IKBKE: variants seen among roughly 807,000 people sequenced by gnomAD.
IKBKE encodes the protein inhibitor of nuclear factor kappa-B kinase subunit epsilon.
A neutral mutation model predicts 92.1 loss-of-function variants in IKBKE; 45 were observed. The observed-to-expected ratio is 0.49, with a 90% confidence interval of 0.38 to 0.63. IKBKE has a LOEUF of 0.63. Among genes scored for constraint, IKBKE ranks in the 20% least tolerant of loss-of-function variants. IKBKE has a pLI of 0.00. For missense variants in IKBKE, 700 were observed against 932.8 expected (o/e 0.75, Z 3.25); for synonymous variants, 374 against 380.3 (o/e 0.98, Z 0.19).
chr1:206,474,979 G>T lies in IKBKE; in HGVS notation c.343G>T (p.Val115Leu), dbSNP rs1553384904. 6.2e-7 allele frequency: 1 copy of T among 1,614,030 alleles called. No individual in the cohort carries two copies. Among genetic ancestry groups the T allele is most frequent in the Non-Finnish European group, 8.5e-7 (1 of 1,180,038 alleles). The change falls in exon 5 of 22, where the codon GTG becomes TTG. Residue 115 changes from valine (V) to leucine (L), a missense_variant. Physicochemically the swap from Val to Leu is conservative, Grantham distance 32. Coordinates refer to ENST00000581977, the MANE Select transcript of IKBKE (RefSeq NM_014002.4). Reference protein sequence around the residue: ...FGLPEDEFLVVLRCVVAGMNH... With the variant: ...FGLPEDEFLVLLRCVVAGMNH... Reference sequence around the variant, plus strand: ...GCTGCCTGAGGATGAGTTCCTGGTGGTGCTGCGCTGTGTGGGTGAGCCCCT... The same window carrying T: ...GCTGCCTGAGGATGAGTTCCTGGTGTTGCTGCGCTGTGTGGGTGAGCCCCT...
At chr1:206,481,746 G>C (rs1476576760) in intron 13 of IKBKE, among the ~76,000 whole-genome samples, 1 of 148,098 alleles carries the variant, frequency 6.8e-6, no homozygotes, top group Non-Finnish European at 1.5e-5. Context: ...CAACCACGGA[G>C]GCCTTCCTGA....
chr1:206,472,585 T>A (rs113565590), intron 2 of IKBKE, among the ~76,000 whole-genome samples: 1 of 144,036 alleles, frequency 6.9e-6, no homozygotes, highest in African/African-American at 2.8e-5. Context: ...ACACACACAC[T>A]CTCACACACA....
At chr1:206,484,076 C>T (rs1404076544) in intron 13 of IKBKE, among the ~76,000 whole-genome samples, 1 of 142,148 alleles carries the variant, frequency 7.0e-6, no homozygotes, top group African/African-American at 2.5e-5. Context: ...CGGTGTGAGC[C>T]ACCATGCCTG....
At chr1:206,472,994 G>A in intron 2 of IKBKE, 1 of 529,510 alleles carries the variant, frequency 1.9e-6, no homozygotes, top group Non-Finnish European at 3.3e-6. Context: ...GCTCAGTGGG[G>A]GCCCTCTTGT....
At chr1:206,482,001 G>A (rs1195063013) in intron 13 of IKBKE, among the ~76,000 whole-genome samples, 8 of 151,814 alleles carry the variant, frequency 5.3e-5, no homozygotes, top group Non-Finnish European at 1.0e-4. Context: ...GGATGGTCTC[G>A]ATCTCCTGAC....
intron 16 of IKBKE, among the ~76,000 whole-genome samples, chr1:206,488,666 C>T (rs1275321381): frequency 6.6e-6 from 1 of 152,092 alleles, no homozygotes; most frequent in Non-Finnish European, 1.5e-5. Flanking sequence ...CACCAGGAAC[C>T]AAACCTCCCC....
At chr1:206,491,562 C>A in intron 17 of IKBKE, 86 bp from the exon 18 acceptor site, 1 of 919,110 alleles carries the variant, frequency 1.1e-6, no homozygotes, top group Non-Finnish European at 1.8e-6. Context: ...AAGGTGGTGA[C>A]GGAGACTGAC....
intron 16 of IKBKE, among the ~76,000 whole-genome samples, chr1:206,489,373 A>ATATATATGTGTG (rs1665826693): frequency 1.5e-5 from 1 of 66,738 alleles, no homozygotes; most frequent in African/African-American, 5.1e-5. Context: ...GTGTGTGTAT[A>ATATATATGTGTG]TATATATATA....
In IKBKE at chr1:206,478,121, G is replaced by A. The variant is rs56160228; in HGVS notation, c.813-39G>A. On this transcript the variant is annotated intron_variant, in intron 8 of 21. Transcript: ENST00000581977. The surrounding 1 kb of genome is among the most constrained non-coding windows in gnomAD (Gnocchi z 4.8). The stretch of plus-strand genomic sequence containing the variant: ...GCCTGCTTAAGGAGGATAGGTCTGG[G>A]CCCCCACCCCTGACAGTCTCCATGT... 7.7e-5 allele frequency: 122 copies of A among 1,590,508 alleles called. No individual in the cohort carries two copies. The East Asian group carries it at 2.5e-3, about 32-fold the overall frequency.
intron 2 of IKBKE, 188 bp from the exon 3 acceptor site, chr1:206,473,008 G>T (rs1664862585): frequency 3.6e-6 from 2 of 561,306 alleles, no homozygotes. Flanking sequence ...CTCTTGTTGT[G>T]CTGTGCGTCC....
Position 206,493,908 on chromosome 1 carries a change from T to C in IKBKE, c.2046-12T>C. 6.2e-7 allele frequency: 1 copy of C among 1,613,532 alleles called. No homozygotes were observed. The highest frequency in any genetic ancestry group is 8.5e-7 in the Non-Finnish European group (1 of 1,179,684). On this transcript the variant is annotated splice_polypyrimidine_tract_variant and intron_variant, in intron 20 of 21. Transcript: ENST00000581977. ...CAGCCTCAGCCGCCTCTCCTGCCTC[T>C]GCCTTGGGCAGCATGCAAGAGCTCT...
chr1:206,473,167 C>A (rs782604052), intron 2 of IKBKE, 29 bp from the exon 3 acceptor site: 59 of 1,376,908 alleles, frequency 4.3e-5, no homozygotes, highest in Admixed American at 1.5e-4. Context: ...GGAATGGAAT[C>A]CTGGGCCCCC....
At position 206,496,484 on chromosome 1, in the gene IKBKE, A is replaced by C; in HGVS notation, c.*339A>C. ...AGAAGAAGCTCTCATACGCCTTCCC[A>C]CTCCCTCTGGTTTATAGGACTTCAC... On this transcript the variant is annotated 3_prime_UTR_variant, in exon 22 of 22. Transcript: ENST00000581977. 5.6e-6 allele frequency: 2 copies of C among 354,082 alleles called. No individual in the cohort carries two copies. The highest frequency in any genetic ancestry group is 1.0e-5 in the Non-Finnish European group (2 of 191,196). 21.9% of individuals were successfully genotyped at this position (354,082 alleles called of 1,614,324 possible).
In IKBKE at chr1:206,478,071, G is replaced by T; in HGVS notation, c.813-89G>T. 1 of 1,126,198 alleles carries T rather than the reference G, an allele frequency of 8.9e-7. No homozygotes were observed. The allele number at this position is 1,126,198 out of a possible 1,614,324, so 69.8% of individuals were successfully genotyped here. A position where few individuals can be genotyped will look rare whatever the true frequency, so the allele number is the denominator to read the frequency against. On this transcript the variant is annotated intron_variant, in intron 8 of 21. Coordinates refer to ENST00000581977, the MANE Select transcript of IKBKE (RefSeq NM_014002.4). This position sits in a 1 kb window ranked among gnomAD's most constrained non-coding sequence, Gnocchi z 4.8. ...CACCATCTTGGTCCTAGCTCTTCAG[G>T]ATATTCTCTTAGAACGCTCCTATTG...
chr1:206,473,888 G>A (rs1406383028), intron 3 of IKBKE, among the ~76,000 whole-genome samples: 1 of 150,282 alleles, frequency 6.7e-6, no homozygotes, highest in Non-Finnish European at 1.5e-5. Flanking sequence ...TTGAACCTGG[G>A]AGGCAGAGGT....
intron 13 of IKBKE, among the ~76,000 whole-genome samples, chr1:206,481,766 CTTTTTTTTTTTTTTTT>C (rs71152472): frequency 2.1e-4 from 10 of 46,558 alleles, no homozygotes; most frequent in South Asian, 9.7e-4. Flanking sequence ...AAGGATGAGG[CTTTTTTTTTTTTTTTT>C]TTTTTTTTTT....
At chr1:206,475,151 C>T in intron 5 of IKBKE, 157 bp downstream of exon 5, 1 of 768,482 alleles carries the variant, frequency 1.3e-6, no homozygotes, top group East Asian at 2.8e-5. Flanking sequence ...ATGTTCACAG[C>T]AGCATTATTT....
intron 3 of IKBKE, among the ~76,000 whole-genome samples, chr1:206,473,660 GTC>G: frequency 6.6e-6 from 1 of 152,292 alleles, no homozygotes; most frequent in Admixed American, 6.5e-5. Flanking sequence ...TATCCACTCT[GTC>G]TTATTCAAGA....
chr1:206,480,291 GGGAGGCGGGCTGTAGGT>G (rs1425862719), intron 12 of IKBKE, among the ~76,000 whole-genome samples, 139 bp from the exon 13 acceptor site: 3 of 137,410 alleles, frequency 2.2e-5, no homozygotes, highest in Non-Finnish European at 3.2e-5. Flanking sequence ...GGGCTGGAGG[GGGAGGCGGGCTGTAGGT>G]GGAGGCAGGC....
Sources: allele counts gnomAD v4.1 joint callset (sites outside exome capture counted in the v4.1 genomes callset), GRCh38; gene constraint gnomAD v4.1.1; non-coding constraint Gnocchi (gnomAD v3.1); transcripts MANE v1.5; gene names NCBI Gene and HGNC (gene_info 2026-07-23, HGNC 2026-07-21).